Variants in NMU observed in about 807,000 individuals in gnomAD.
NMU encodes the protein neuromedin U, also known as neuromedin-U.
NMU carries 29 observed loss-of-function variants against 35.4 expected under a neutral mutation model. The observed-to-expected ratio is 0.82, with a 90% CI of 0.61 to 1.12. NMU has a LOEUF of 1.12. NMU is among the 50% of genes most tolerant of loss of function. The probability of loss-of-function intolerance (pLI) is 0.00; values close to 1 mark genes in which losing one functional copy is unlikely to be tolerated. For missense variants in NMU, 199 were observed against 206.2 expected (o/e 0.97, Z 0.21); for synonymous variants, 78 against 81.3 (o/e 0.96, Z 0.22).
chr4:55,613,811 A>G (rs1190286372), intron 3 of NMU, among the ~76,000 whole-genome samples: 1 of 152,118 alleles, frequency 6.6e-6, no homozygotes, highest in East Asian at 1.9e-4. Flanking sequence ...AGCTCAGACT[A>G]CCCTGCTGGA....
Position 55,609,149 on chromosome 4 carries a change from T to A in NMU, c.250A>T (p.Met84Leu). 6.2e-7 allele frequency: 1 copy of A among 1,613,518 alleles called. No homozygotes were observed. Among genetic ancestry groups the A allele is most frequent in the South Asian group, 1.1e-5 (1 of 91,062 alleles). ...ASNALEELCF[M>L]IMGMLPKPQE... ...GGCTTTGGTAGCATTCCCATAATCA[T>A]AAAGCAAAGCTCCTCCAGTGCGTTG... Residue 84 changes from methionine to leucine, a missense_variant, in exon 4 of 10, where the codon ATG (methionine) becomes TTG (leucine). Transcript: ENST00000264218.
At chr4:55,627,356 C>A (rs1734575165) in intron 2 of NMU, among the ~76,000 whole-genome samples, 2 of 150,724 alleles carry the variant, frequency 1.3e-5, no homozygotes, top group South Asian at 4.2e-4. Context: ...TAATTGTAGA[C>A]CTTTATTTTT....
chr4:55,630,590 T>G, intron 1 of NMU, 130 bp from the exon 2 acceptor site: 1 of 730,812 alleles, frequency 1.4e-6, no homozygotes, highest in South Asian at 1.6e-5. Flanking sequence ...ATTTCAATAT[T>G]TCAGCATTTG....
At chr4:55,632,276 A>AT (rs113866022) in intron 1 of NMU, among the ~76,000 whole-genome samples, 7,832 of 151,690 alleles carry the variant, frequency 0.052, 251 homozygotes, top group Non-Finnish European at 0.076. Context: ...ATCCTGATAG[A>AT]TTTTTTTTTC....
At chr4:55,616,997 T>G (rs1395186899) in intron 2 of NMU, among the ~76,000 whole-genome samples, 5 of 152,310 alleles carry the variant, frequency 3.3e-5, no homozygotes, top group Admixed American at 2.6e-4. Context: ...AATGAGAGAC[T>G]TATATTAATC....
At chr4:55,614,199 A>G (rs990512596) in intron 3 of NMU, among the ~76,000 whole-genome samples, 1 of 152,208 alleles carries the variant, frequency 6.6e-6, no homozygotes, top group African/African-American at 2.4e-5. Context: ...CCAGTTAAAA[A>G]GTCCTCCTGT....
At chr4:55,604,025 A>ATGTATATATACATG (rs1733566657) in intron 7 of NMU, among the ~76,000 whole-genome samples, 1 of 71,926 alleles carries the variant, frequency 1.4e-5, no homozygotes, top group Non-Finnish European at 3.7e-5. Context: ...GTGTATATAT[A>ATGTATATATACATG]TAATCCTAGA....
At chr4:55,635,561 G>A (rs1008780003) in intron 1 of NMU, among the ~76,000 whole-genome samples, 7 of 152,150 alleles carry the variant, frequency 4.6e-5, no homozygotes, top group Admixed American at 1.3e-4. Context: ...CGTGGGGCCC[G>A]TTGTACCGCT....
In NMU at chr4:55,609,150, A is replaced by G; in HGVS notation, c.249T>C (p.Phe83=). The G allele has an allele frequency of 6.2e-7, 1 of 1,613,494 alleles. No individual in the cohort carries two copies. The highest frequency in any genetic ancestry group is 8.5e-7 in the Non-Finnish European group (1 of 1,179,400). ...QASNALEELC[F]MIMGMLPKPQ... is the part of the protein sequence containing the mutation. ...GCTTTGGTAGCATTCCCATAATCAT[A>G]AAGCAAAGCTCCTCCAGTGCGTTGG... The change falls in exon 4 of 10, where the codon TTT becomes TTC. Residue 83 remains phenylalanine (F), a synonymous_variant. Transcript: ENST00000264218.
At chr4:55,608,588 G>C (rs1277704635) in intron 4 of NMU, among the ~76,000 whole-genome samples, 2 of 152,080 alleles carry the variant, frequency 1.3e-5, no homozygotes, top group African/African-American at 4.8e-5. Context: ...TATAAAATTA[G>C]GTATGGTGCT....
At chr4:55,597,948 G>T (rs1733259188) in intron 9 of NMU, among the ~76,000 whole-genome samples, 1 of 146,688 alleles carries the variant, frequency 6.8e-6, no homozygotes, top group Non-Finnish European at 1.5e-5. Context: ...TTTATTTTTT[G>T]TAAAGAATTA....
intron 1 of NMU, among the ~76,000 whole-genome samples, chr4:55,631,829 AAAG>A (rs1206856974): frequency 1.3e-5 from 2 of 150,276 alleles, no homozygotes; most frequent in Non-Finnish European, 3.0e-5. Flanking sequence ...ATCCAAAGGA[AAAG>A]AAGTCATTAT....
chr4:55,606,716 C>T (rs1328729394), intron 6 of NMU, among the ~76,000 whole-genome samples: 5 of 147,266 alleles, frequency 3.4e-5, no homozygotes, highest in Non-Finnish European at 7.4e-5. Context: ...ATCGCTCTGT[C>T]GTCCAGGCTG....
intron 5 of NMU, 32 bp from the exon 6 acceptor site, chr4:55,607,380 A>G (rs766071489): frequency 1.0e-5 from 15 of 1,430,602 alleles, no homozygotes; most frequent in Non-Finnish European, 1.5e-5. Flanking sequence ...TTTTACTATA[A>G]AAATTAATGG....
At chr4:55,613,924 A>C (rs1734025890) in intron 3 of NMU, among the ~76,000 whole-genome samples, 1 of 152,302 alleles carries the variant, frequency 6.6e-6, no homozygotes, top group East Asian at 1.9e-4. Context: ...TAAGCCCATA[A>C]AATGATATAT....
intron 1 of NMU, among the ~76,000 whole-genome samples, chr4:55,631,355 A>G (rs2110213765): frequency 6.6e-6 from 1 of 152,358 alleles, no homozygotes; most frequent in South Asian, 2.1e-4. Flanking sequence ...GCTTTTGCAC[A>G]GCAAAAGAAA....
chr4:55,598,733 A>G (rs1352348916), intron 9 of NMU, among the ~76,000 whole-genome samples: 2 of 152,240 alleles, frequency 1.3e-5, no homozygotes, highest in African/African-American at 4.8e-5. Context: ...AGATGACAGA[A>G]GTACTTTCAG....
intron 9 of NMU, among the ~76,000 whole-genome samples, chr4:55,598,042 C>G (rs1319566109): frequency 6.8e-6 from 1 of 148,034 alleles, no homozygotes; most frequent in Non-Finnish European, 1.5e-5. Context: ...TAACTTTCTT[C>G]CTTCTGCCTT....
intron 1 of NMU, among the ~76,000 whole-genome samples, chr4:55,634,350 C>G (rs1715791365): frequency 6.6e-6 from 1 of 152,124 alleles, no homozygotes; most frequent in Non-Finnish European, 1.5e-5. Context: ...AAAGGGCAAT[C>G]TAGGGGCCTC....
Sources: gnomAD v4.1 joint callset for allele counts (sites outside exome capture counted in the v4.1 genomes callset) on GRCh38, gnomAD v4.1.1 for gene constraint, MANE v1.5 for transcripts, NCBI Gene and HGNC (gene_info 2026-07-23, HGNC 2026-07-21) for gene names.